The following PPM1E variants were observed in gnomAD, a reference collection of about 807,000 sequenced individuals.
The protein encoded by PPM1E is protein phosphatase 1E.
A neutral mutation model predicts 65.9 loss-of-function variants in PPM1E; 20 were observed. The ratio of observed to expected loss-of-function variants is 0.30; its 90% confidence interval spans 0.21 to 0.44. The LOEUF (loss-of-function observed/expected upper bound fraction) is 0.44. PPM1E is among the 20% of genes least tolerant of loss of function. The pLI, the probability that PPM1E is intolerant of heterozygous loss-of-function variation, is 1.00. For synonymous variants in PPM1E, 352 were observed against 374.9 expected, an observed-to-expected ratio of 0.94 and a Z score of 0.70; for missense variants, 713 against 953.1, an observed-to-expected ratio of 0.75 and a Z score of 3.32.
At chr17:58,868,819 G>A (rs913034923) in intron 1 of PPM1E, among the ~76,000 whole-genome samples, 1 of 152,016 alleles carries the variant, frequency 6.6e-6, no homozygotes, top group African/African-American at 2.4e-5. Flanking sequence ...TAACTAACTG[G>A]TGCATTGTTT....
At chr17:58,894,433 A>G (rs930205866) in intron 1 of PPM1E, among the ~76,000 whole-genome samples, 3 of 152,198 alleles carry the variant, frequency 2.0e-5, no homozygotes, top group Admixed American at 6.5e-5. Context: ...AGTGAATGAT[A>G]GTAAAACATG....
chr17:58,903,275 A>T (rs1567870138), intron 1 of PPM1E, among the ~76,000 whole-genome samples: 1 of 152,178 alleles, frequency 6.6e-6, no homozygotes, highest in African/African-American at 2.4e-5. Context: ...CCATCCAGCC[A>T]TTCTTCTTTG....
At chr17:58,760,360 G>A (rs184135438) in intron 1 of PPM1E, among the ~76,000 whole-genome samples, 84 of 152,072 alleles carry the variant, frequency 5.5e-4, no homozygotes, top group African/African-American at 1.1e-3. Context: ...CCCTCTTTAC[G>A]GCCCCCAAAA....
chr17:58,905,431 A>T (rs556580081), intron 1 of PPM1E, among the ~76,000 whole-genome samples: 1 of 152,224 alleles, frequency 6.6e-6, no homozygotes, highest in African/African-American at 2.4e-5. Context: ...GTTGAATTTT[A>T]TCAAGTGCTT....
At chr17:58,788,266 A>G (rs1395957469) in intron 1 of PPM1E, among the ~76,000 whole-genome samples, 1 of 151,980 alleles carries the variant, frequency 6.6e-6, no homozygotes, top group Non-Finnish European at 1.5e-5. Context: ...GGCAAGGCTG[A>G]TCTCGTACTC....
At chr17:58,895,929 C>A (rs1455981444) in intron 1 of PPM1E, among the ~76,000 whole-genome samples, 2 of 149,440 alleles carry the variant, frequency 1.3e-5, no homozygotes, top group African/African-American at 5.0e-5. Context: ...CACGGTTAAA[C>A]CCCGTCTCTG....
intron 1 of PPM1E, among the ~76,000 whole-genome samples, chr17:58,846,601 C>G (rs1052513669): frequency 3.9e-5 from 6 of 152,130 alleles, no homozygotes; most frequent in Admixed American, 1.3e-4. Context: ...GACATGAATG[C>G]ATCCTTTTTT....
chr17:58,780,296 C>T (rs1393507814), intron 1 of PPM1E, among the ~76,000 whole-genome samples: 1 of 152,118 alleles, frequency 6.6e-6, no homozygotes, highest in African/African-American at 2.4e-5. Flanking sequence ...ATTGCTTGAG[C>T]CCAGGAGTTC....
At chr17:58,850,623 G>A (rs1484787103) in intron 1 of PPM1E, among the ~76,000 whole-genome samples, 1 of 152,182 alleles carries the variant, frequency 6.6e-6, no homozygotes, top group African/African-American at 2.4e-5. Context: ...CTTCTGGCTT[G>A]TAGAGTTTCT....
At chr17:58,870,900 G>T in intron 1 of PPM1E, among the ~76,000 whole-genome samples, 1 of 152,116 alleles carries the variant, frequency 6.6e-6, no homozygotes. Context: ...AGATATTTTG[G>T]ATTAAGTGTG....
At chr17:58,861,288 A>G (rs1218774051) in intron 1 of PPM1E, among the ~76,000 whole-genome samples, 3 of 152,342 alleles carry the variant, frequency 2.0e-5, no homozygotes, top group East Asian at 1.9e-4. Context: ...CAACAACAAA[A>G]CATAAGAACA....
chr17:58,968,261 T>G (rs1007973600), intron 3 of PPM1E, among the ~76,000 whole-genome samples: 2 of 152,294 alleles, frequency 1.3e-5, no homozygotes, highest in African/African-American at 4.8e-5. Context: ...ATATACCCTT[T>G]TAAAAGTAAC....
At position 58,756,323 on chromosome 17, in the gene PPM1E, C is replaced by G. The variant is rs1018743297; in HGVS notation, c.326C>G (p.Pro109Arg). Residue 109 changes from proline (P) to arginine (R), a missense_variant, in exon 1 of 7, where the codon CCG (proline) becomes CGG (arginine). Coordinates refer to ENST00000308249, the MANE Select transcript of PPM1E (RefSeq NM_014906.5). The stretch of plus-strand genomic sequence containing the variant: ...GGCGCGGCGACGGCGGCGGCAGCCC[C>G]GGGGCACTCGGCCGTGCCGCCGCCG... ...EEGAATAAAA[P>R]GHSAVPPPPP... The G allele has an allele frequency of 3.4e-6, 5 of 1,471,264 alleles. No individual in the cohort carries two copies. The East Asian group carries it at 8.4e-5, about 25-fold the overall frequency. The allele number at this position is 1,471,264 out of a possible 1,614,324, so 91.1% of individuals were successfully genotyped here. A position where few individuals can be genotyped will look rare whatever the true frequency, so the allele number is the denominator to read the frequency against.
intron 1 of PPM1E, among the ~76,000 whole-genome samples, chr17:58,860,064 T>C (rs2050922731): frequency 6.6e-6 from 1 of 152,204 alleles, no homozygotes; most frequent in Non-Finnish European, 1.5e-5. Flanking sequence ...TTAGGGCCTT[T>C]TGGTGTGTGT....
intron 1 of PPM1E, among the ~76,000 whole-genome samples, chr17:58,874,651 T>C (rs1324182650): frequency 1.3e-5 from 2 of 152,148 alleles, no homozygotes; most frequent in Non-Finnish European, 2.9e-5. Context: ...ATGGGGTCTT[T>C]TGAGAAATTA....
At chr17:58,826,636 A>AT (rs1455106725) in intron 1 of PPM1E, among the ~76,000 whole-genome samples, 1 of 151,672 alleles carries the variant, frequency 6.6e-6, no homozygotes, top group East Asian at 1.9e-4. Flanking sequence ...TTACTCTTTT[A>AT]TTTTTTTTAG....
rs115370250 is a variant in PPM1E at position 58,863,821 on chromosome 17, C to T, written c.465-91828C>T. Among the ~76,000 whole-genome samples the T allele has an allele frequency of 5.4e-3, 818 of 152,282 alleles. 5 individuals carry two copies. The highest frequency in any genetic ancestry group is 0.018 in the African/African-American group (759 of 41,552). ...TCCGACCATCCCCAGCTGAACTCCTCTCTGACTGTAGTCTCTGATGTTCAG... is the reference window on the plus strand; with the variant it reads ...TCCGACCATCCCCAGCTGAACTCCTTTCTGACTGTAGTCTCTGATGTTCAG... On this transcript the variant is annotated intron_variant, in intron 1 of 6. Coordinates refer to ENST00000308249, the MANE Select transcript of PPM1E (RefSeq NM_014906.5).
chr17:58,844,041 T>TA (rs1163398731), intron 1 of PPM1E, among the ~76,000 whole-genome samples: 2 of 152,168 alleles, frequency 1.3e-5, no homozygotes, highest in African/African-American at 2.4e-5. Context: ...TGGAGTTAAA[T>TA]ACAGAGATAC....
At chr17:58,756,781 C>CT (rs2144120692) in intron 1 of PPM1E, among the ~76,000 whole-genome samples, 1 of 152,336 alleles carries the variant, frequency 6.6e-6, no homozygotes, top group South Asian at 2.1e-4. Context: ...TCTAGCTCCA[C>CT]TTCACGCAAC....
Sources: gnomAD v4.1 joint callset for allele counts (sites outside exome capture counted in the v4.1 genomes callset) on GRCh38, gnomAD v4.1.1 for gene constraint, MANE v1.5 for transcripts, NCBI Gene and HGNC (gene_info 2026-07-23, HGNC 2026-07-21) for gene names.